PPP2R5A: variants seen among roughly 807,000 people sequenced by gnomAD.
The protein encoded by PPP2R5A is protein phosphatase 2 regulatory subunit B'alpha.
In PPP2R5A, 25 loss-of-function variants were observed where a neutral mutation model predicts 64.2. The ratio of observed to expected loss-of-function variants is 0.39; its 90% confidence interval spans 0.28 to 0.54. The LOEUF (loss-of-function observed/expected upper bound fraction) is 0.54. Among genes scored for constraint, PPP2R5A ranks in the 20% least tolerant of loss-of-function variants. The pLI is 0.67. For missense variants in PPP2R5A, 425 were observed against 576.3 expected (o/e 0.74, Z 2.69); for synonymous variants, 198 against 201.2 (o/e 0.98, Z 0.13).
chr1:212,305,909 A>G lies in PPP2R5A; in HGVS notation c.181+19618A>G, dbSNP rs1571580126. 2.0e-5 allele frequency among the ~76,000 whole-genome samples: 3 copies of G among 152,312 alleles called. No homozygotes were observed. In the East Asian group the frequency reaches 5.8e-4, roughly 29 times the overall value. ...ATCCAAACAGCCACAAGAAAACTGGAGTGGCTATACTAATGTTAGGAATAA... is the reference window on the plus strand; with the variant it reads ...ATCCAAACAGCCACAAGAAAACTGGGGTGGCTATACTAATGTTAGGAATAA... On this transcript the variant is annotated intron_variant, in intron 1 of 12. Coordinates refer to ENST00000261461, the MANE Select transcript of PPP2R5A (RefSeq NM_006243.4).
At chr1:212,289,979 A>G (rs1159193047) in intron 1 of PPP2R5A, among the ~76,000 whole-genome samples, 3 of 152,248 alleles carry the variant, frequency 2.0e-5, no homozygotes, top group Non-Finnish European at 4.4e-5. Flanking sequence ...AAGCGAAGAA[A>G]TCAACCTAAC....
At chr1:212,356,444 CCAGTAAATGT>C (rs1202492105) in intron 8 of PPP2R5A, among the ~76,000 whole-genome samples, 172 bp from the exon 9 acceptor site, 1 of 152,020 alleles carries the variant, frequency 6.6e-6, no homozygotes, top group Non-Finnish European at 1.5e-5. Context: ...TAATAGGCAC[CCAGTAAATGT>C]TAGTTGAATT....
chr1:212,327,819 T>C (rs2102431917), intron 1 of PPP2R5A, among the ~76,000 whole-genome samples: 1 of 151,648 alleles, frequency 6.6e-6, no homozygotes, highest in African/African-American at 2.4e-5. Context: ...TAAAACTTGG[T>C]TTCTGCATTG....
At chr1:212,340,966 T>C (rs908208988) in intron 3 of PPP2R5A, among the ~76,000 whole-genome samples, 8 of 152,256 alleles carry the variant, frequency 5.3e-5, no homozygotes, top group East Asian at 1.9e-4. Flanking sequence ...TAAATGTTCA[T>C]TGAATGACTG....
intron 1 of PPP2R5A, among the ~76,000 whole-genome samples, chr1:212,315,627 CTA>C (rs1221006292): frequency 6.6e-6 from 1 of 152,216 alleles, no homozygotes; most frequent in Admixed American, 6.5e-5. Flanking sequence ...ATAAGCCAGG[CTA>C]TATACTCAAC....
At chr1:212,293,163 A>G (rs572858406) in intron 1 of PPP2R5A, among the ~76,000 whole-genome samples, 39 of 152,374 alleles carry the variant, frequency 2.6e-4, no homozygotes, top group South Asian at 8.3e-4. Context: ...GGTAGTAAAT[A>G]GTAAATGTAG....
Position 212,285,489 on chromosome 1 carries a change from G to C in PPP2R5A, c.-622G>C, listed in dbSNP as rs535009744. ...TCCGTGGGCGGCCGACGGGCGCGTGGGGGAGGGGGTTCGGGCCGCCCAGCG... is the reference window on the plus strand; with the variant it reads ...TCCGTGGGCGGCCGACGGGCGCGTGCGGGAGGGGGTTCGGGCCGCCCAGCG... On this transcript the variant is annotated 5_prime_UTR_variant, in exon 1 of 13. Coordinates refer to ENST00000261461, the MANE Select transcript of PPP2R5A (RefSeq NM_006243.4). 5.9e-5 allele frequency: 9 copies of C among 152,840 alleles called. No individual in the cohort carries two copies. Among genetic ancestry groups the C allele is most frequent in the African/African-American group, 1.4e-4 (6 of 41,598 alleles). 9.5% of individuals were successfully genotyped at this position (152,840 alleles called of 1,614,324 possible).
chr1:212,297,096 CTTTTTTTTTTTTTTTTTTTTTTT>C (rs869112186), intron 1 of PPP2R5A, among the ~76,000 whole-genome samples: 10 of 82,672 alleles, frequency 1.2e-4, no homozygotes, highest in South Asian at 9.9e-4. Flanking sequence ...TTTGCTTCTT[CTTTTTTTTTTTTTTTTTTTTTTT>C]TTTTTTTTTT....
intron 4 of PPP2R5A, among the ~76,000 whole-genome samples, chr1:212,344,413 G>A (rs182893122): frequency 6.6e-6 from 1 of 152,312 alleles, no homozygotes; most frequent in Admixed American, 6.5e-5. Flanking sequence ...TATAAGTATG[G>A]CAGTTGTTTT....
At chr1:212,297,096 CTTTTTTTTTTTTTTTTTTTTTTTTTTT>C (rs869112186) in intron 1 of PPP2R5A, among the ~76,000 whole-genome samples, 3 of 82,646 alleles carry the variant, frequency 3.6e-5, no homozygotes, top group South Asian at 4.9e-4. Context: ...TTTGCTTCTT[CTTTTTTTTTTTTTTTTTTTTTTTTTTT>C]TTTTTTTTTT....
chr1:212,333,677 TGA>T, intron 3 of PPP2R5A, 79 bp downstream of exon 3: 1 of 745,040 alleles, frequency 1.3e-6, no homozygotes, highest in East Asian at 3.0e-5. Context: ...ATTTAGATTC[TGA>T]GTGTCTGTGT....
In PPP2R5A at chr1:212,325,544, T is replaced by C. The variant is rs966503086; in HGVS notation, c.182-3591T>C. ...GGGATCTTGTGTGAGTTTGTATTACTATTAGCGTTAGGGAAAAAGGGCTAA... is the reference window on the plus strand; with the variant it reads ...GGGATCTTGTGTGAGTTTGTATTACCATTAGCGTTAGGGAAAAAGGGCTAA... On this transcript the variant is annotated intron_variant, in intron 1 of 12. Coordinates refer to ENST00000261461, the MANE Select transcript of PPP2R5A (RefSeq NM_006243.4). 3.7e-4 allele frequency among the ~76,000 whole-genome samples: 56 copies of C among 152,128 alleles called. 1 individual carries two copies. Among genetic ancestry groups the C allele is most frequent in the Admixed American group, 3.3e-4 (5 of 15,254 alleles).
At chr1:212,339,811 A>G (rs960074506) in intron 3 of PPP2R5A, among the ~76,000 whole-genome samples, 1 of 152,108 alleles carries the variant, frequency 6.6e-6, no homozygotes, top group Non-Finnish European at 1.5e-5. Flanking sequence ...TATATTTCTG[A>G]TGAAGATCTT....
intron 1 of PPP2R5A, chr1:212,301,980 A>G (rs370712602): frequency 3.5e-6 from 5 of 1,409,078 alleles, no homozygotes; most frequent in East Asian, 5.2e-5. Flanking sequence ...TTATCCTTAA[A>G]TGTAGAGGAT....
intron 8 of PPP2R5A, among the ~76,000 whole-genome samples, chr1:212,351,860 C>G (rs1659885616): frequency 6.6e-6 from 1 of 152,018 alleles, no homozygotes; most frequent in Non-Finnish European, 1.5e-5. Flanking sequence ...GTAAACCTTT[C>G]CTTCCACTCA....
At chr1:212,339,727 G>A (rs1413764091) in intron 3 of PPP2R5A, among the ~76,000 whole-genome samples, 1 of 152,150 alleles carries the variant, frequency 6.6e-6, no homozygotes, top group Non-Finnish European at 1.5e-5. Context: ...AATTCAGTCT[G>A]ATTTGTAGCT....
At chr1:212,336,629 A>T (rs1279320415) in intron 3 of PPP2R5A, among the ~76,000 whole-genome samples, 1 of 152,252 alleles carries the variant, frequency 6.6e-6, no homozygotes, top group Non-Finnish European at 1.5e-5. Context: ...ACTGGTAGAT[A>T]CTAAAGTGAC....
chr1:212,287,124 A>G (rs1439614376), intron 1 of PPP2R5A, among the ~76,000 whole-genome samples: 3 of 152,094 alleles, frequency 2.0e-5, no homozygotes, highest in Admixed American at 2.0e-4. Context: ...CTTGCAGGAG[A>G]ACTTGGCACT....
At chr1:212,343,111 C>G (rs1659713902) in intron 4 of PPP2R5A, among the ~76,000 whole-genome samples, 1 of 146,198 alleles carries the variant, frequency 6.8e-6, no homozygotes, top group Non-Finnish European at 1.5e-5. Context: ...CCATGCCCGG[C>G]TGATTTTTTT....
Sources: gnomAD v4.1 joint callset for allele counts (sites outside exome capture counted in the v4.1 genomes callset) on GRCh38, gnomAD v4.1.1 for gene constraint, MANE v1.5 for transcripts, NCBI Gene and HGNC (gene_info 2026-07-23, HGNC 2026-07-21) for gene names.